Variants in RPN2 observed in about 807,000 individuals in gnomAD.
The protein encoded by RPN2 is ribophorin II.
RPN2 carries 29 observed loss-of-function variants against 71.4 expected under a neutral mutation model. That is an observed-to-expected ratio of 0.41 (90% CI 0.30 to 0.55). The LOEUF (loss-of-function observed/expected upper bound fraction) is 0.55, where lower values mean the gene tolerates loss of function less well. Among genes scored for constraint, RPN2 ranks in the 20% least tolerant of loss-of-function variants. The pLI, the probability that RPN2 is intolerant of heterozygous loss-of-function variation, is 0.35. For synonymous variants in RPN2, 308 were observed against 305.0 expected, an observed-to-expected ratio of 1.01 and a Z score of -0.10; for missense variants, 726 against 774.1, an observed-to-expected ratio of 0.94 and a Z score of 0.74.
intron 13 of RPN2, among the ~76,000 whole-genome samples, chr20:37,230,446 C>G (rs990162859): frequency 6.6e-6 from 1 of 152,196 alleles, no homozygotes; most frequent in African/African-American, 2.4e-5. Flanking sequence ...GAACAGGGCT[C>G]TACTTCCTTA....
At chr20:37,216,454 C>CT (rs1312003468) in intron 9 of RPN2, among the ~76,000 whole-genome samples, 1 of 152,018 alleles carries the variant, frequency 6.6e-6, no homozygotes, top group Non-Finnish European at 1.5e-5. Context: ...CCAATGTTTT[C>CT]TTTTTTTATT....
intron 11 of RPN2, among the ~76,000 whole-genome samples, chr20:37,226,016 G>A (rs915542302): frequency 1.3e-5 from 2 of 152,136 alleles, no homozygotes; most frequent in Non-Finnish European, 2.9e-5. Context: ...TTTCTAAAAA[G>A]TTAGCTGGTA....
rs753388199 is a variant in RPN2, at chr20:37,236,710, G to A, written c.1883+1G>A. 1 of 1,614,064 alleles carries A rather than the reference G, an allele frequency of 6.2e-7. No homozygotes were observed. ...TGCTGGCCCAGCAGGCAGTCAAGAG[G>A]TAAGGCCAGACATGAGCCAGGGATC... On this transcript the variant is annotated splice_donor_variant, in intron 16 of 16. Transcript: ENST00000237530. LOFTEE classifies it high-confidence loss of function.
At chr20:37,213,329 AT>A (rs1431105971) in intron 8 of RPN2, among the ~76,000 whole-genome samples, 26 of 152,190 alleles carry the variant, frequency 1.7e-4, no homozygotes, top group Non-Finnish European at 4.4e-5. Context: ...CCAATCTGTG[AT>A]TAAGCACGAG....
chr20:37,193,111 G>C (rs1187209306), intron 2 of RPN2, among the ~76,000 whole-genome samples: 1 of 152,074 alleles, frequency 6.6e-6, no homozygotes, highest in Non-Finnish European at 1.5e-5. Context: ...CTGTGTGAGA[G>C]GGCAAGACCC....
intron 16 of RPN2, among the ~76,000 whole-genome samples, chr20:37,237,262 C>T (rs1379455405): frequency 6.6e-6 from 1 of 152,222 alleles, no homozygotes; most frequent in African/African-American, 2.4e-5. Context: ...GATGGTCAGA[C>T]AGACCTTGAC....
intron 2 of RPN2, among the ~76,000 whole-genome samples, chr20:37,198,061 G>A (rs2067292045): frequency 6.6e-6 from 1 of 152,200 alleles, no homozygotes. Context: ...AATGGGGATA[G>A]TGATAATCTC....
At chr20:37,215,774 C>T (rs1193465368) in intron 9 of RPN2, among the ~76,000 whole-genome samples, 1 of 152,146 alleles carries the variant, frequency 6.6e-6, no homozygotes, top group Non-Finnish European at 1.5e-5. Context: ...TTTTAGTAAT[C>T]TGATGCATAT....
At chr20:37,217,272 ATATTATTATTAT>A (rs751816144) in intron 9 of RPN2, among the ~76,000 whole-genome samples, 1 of 89,004 alleles carries the variant, frequency 1.1e-5, no homozygotes. Context: ...TGAAAACTAA[ATATTATTATTAT>A]TATTATTATT....
Position 37,234,102 on chromosome 20 carries a change from G to T in RPN2, c.1753+7G>T, listed in dbSNP as rs770564051. Reference sequence around the variant, plus strand: ...TTTCACCTGGGACATGCTGGTAAGTGCCCCAGGCTGCTAATTACCTGTAAC... The same window carrying T: ...TTTCACCTGGGACATGCTGGTAAGTTCCCCAGGCTGCTAATTACCTGTAAC... On this transcript the variant is annotated splice_region_variant and intron_variant, in intron 15 of 16. Coordinates refer to ENST00000237530, the MANE Select transcript of RPN2 (RefSeq NM_002951.5). The T allele has an allele frequency of 6.2e-7, 1 of 1,613,860 alleles. No homozygotes were observed. The highest frequency in any genetic ancestry group is 1.1e-5 in the South Asian group (1 of 91,008).
At position 37,210,163 on chromosome 20, in the gene RPN2, A is replaced by G. The variant is rs2146608217; in HGVS notation, c.984A>G (p.Val328=). Residue 328 remains valine, a splice_region_variant and synonymous_variant, in exon 8 of 17, where the codon GTA becomes GTG. Coordinates refer to ENST00000237530, the MANE Select transcript of RPN2 (RefSeq NM_002951.5). ...TVLQKTSFTP[V]GDVFELNFMN... ...TCCAGAAGACATCCTTCACCCCTGT[A>G]GGGTAAGTCCTGATCATATTTTGGT... is the stretch of plus-strand genomic sequence containing the variant. The G allele has an allele frequency of 1.2e-6, 2 of 1,613,908 alleles. No homozygotes were observed. The highest frequency in any genetic ancestry group is 2.2e-5 in the East Asian group (1 of 44,884).
At chr20:37,196,230 C>G (rs915081803) in intron 2 of RPN2, among the ~76,000 whole-genome samples, 3 of 151,196 alleles carry the variant, frequency 2.0e-5, no homozygotes, top group Non-Finnish European at 3.0e-5. Flanking sequence ...TAGTCTCCCC[C>G]CCACCTTTTT....
chr20:37,235,277 G>A (rs1443148209), intron 15 of RPN2, among the ~76,000 whole-genome samples: 4 of 152,154 alleles, frequency 2.6e-5, no homozygotes, highest in African/African-American at 9.7e-5. Context: ...AGCCCTCTGG[G>A]GTCAGACCGA....
chr20:37,216,369 T>G (rs1409119670), intron 9 of RPN2, among the ~76,000 whole-genome samples: 2 of 152,136 alleles, frequency 1.3e-5, no homozygotes, highest in East Asian at 3.8e-4. Context: ...AAAATACAAG[T>G]TTTTTTGCTA....
At chr20:37,210,279 T>A (rs2067625820) in intron 8 of RPN2, 114 bp downstream of exon 8, 2 of 1,571,866 alleles carry the variant, frequency 1.3e-6, no homozygotes, top group South Asian at 1.1e-5. Context: ...TCTACTGGTA[T>A]CGAAAGCCTA....
intron 2 of RPN2, among the ~76,000 whole-genome samples, chr20:37,186,552 ATCC>A (rs2067015450): frequency 6.6e-6 from 1 of 152,206 alleles, no homozygotes; most frequent in African/African-American, 2.4e-5. Context: ...ACCTCAAGCA[ATCC>A]TCCTGCCACG....
intron 1 of RPN2, among the ~76,000 whole-genome samples, chr20:37,181,243 A>G (rs1347764534): frequency 2.0e-5 from 3 of 151,280 alleles, no homozygotes; most frequent in Non-Finnish European, 4.4e-5. Context: ...AAAAAAAAGA[A>G]CTTTCCAGTG....
intron 15 of RPN2, among the ~76,000 whole-genome samples, chr20:37,235,738 C>G (rs1156446583): frequency 6.6e-6 from 1 of 152,190 alleles, no homozygotes; most frequent in Non-Finnish European, 1.5e-5. Context: ...GCAGCCTCTG[C>G]CTCCCAGGTT....
rs759843584 is a variant in RPN2 at position 37,228,572 on chromosome 20, A to G, written c.1322A>G (p.Gln441Arg). ...PHQTFVRLHN[Q>R]KTGQEVVFVA... ...TAGACATTTGTCCGACTCCATAACC[A>G]GAAGACTGGCCAGGAAGTGGTGTTT... Residue 441 changes from glutamine (Q) to arginine (R), a missense_variant, in exon 12 of 17, where the codon CAG becomes CGG. Gln to Arg is a conservative substitution (Grantham distance 43). Coordinates refer to ENST00000237530, the MANE Select transcript of RPN2 (RefSeq NM_002951.5). The G allele has an allele frequency of 1.2e-6, 2 of 1,614,254 alleles. No homozygotes were observed. Among genetic ancestry groups the G allele is most frequent in the South Asian group, 1.1e-5 (1 of 91,088 alleles).
Sources: allele counts gnomAD v4.1 joint callset (sites outside exome capture counted in the v4.1 genomes callset), GRCh38; gene constraint gnomAD v4.1.1; transcripts MANE v1.5; gene names NCBI Gene and HGNC (gene_info 2026-07-23, HGNC 2026-07-21).